Variants in TNRC6B observed in about 807,000 individuals in gnomAD.
TNRC6B encodes the protein trinucleotide repeat-containing gene 6B protein.
TNRC6B carries 52 observed loss-of-function variants against 203.6 expected under a neutral mutation model. The observed-to-expected ratio is 0.26, with a 90% confidence interval of 0.20 to 0.32. The LOEUF is 0.32. Among genes scored for constraint, TNRC6B ranks in the 10% least tolerant of loss-of-function variants. The pLI is 1.00. For missense variants in TNRC6B, 1,923 were observed against 2,286.2 expected (o/e 0.84, Z 3.24); for synonymous variants, 838 against 845.7 (o/e 0.99, Z 0.16).
chr22:40,073,907 A>G (rs147104321), intron 1 of TNRC6B, among the ~76,000 whole-genome samples: 1 of 152,052 alleles, frequency 6.6e-6, no homozygotes, highest in Non-Finnish European at 1.5e-5. Flanking sequence ...AAAACAAAAA[A>G]CAATACAAAA....
chr22:40,132,499 G>A (rs955692235), intron 3 of TNRC6B, among the ~76,000 whole-genome samples: 3 of 149,372 alleles, frequency 2.0e-5, no homozygotes, highest in Admixed American at 2.0e-4. Context: ...CGAGGCGAGG[G>A]CGAGGGCGAG....
At chr22:40,096,521 A>G (rs914184984) in intron 1 of TNRC6B, among the ~76,000 whole-genome samples, 7 of 152,130 alleles carry the variant, frequency 4.6e-5, no homozygotes, top group African/African-American at 1.7e-4. Flanking sequence ...GAATGGTAGG[A>G]CTTCATCAAG....
rs1223540880 is a variant in TNRC6B, at chr22:40,265,675, G to T, written c.1445G>T (p.Gly482Val). 6.2e-7 allele frequency: 1 copy of T among 1,613,824 alleles called. No individual in the cohort carries two copies. Among genetic ancestry groups the T allele is most frequent in the Non-Finnish European group, 8.5e-7 (1 of 1,179,874 alleles). ...SWDNNNRSTG[G>V]SWNFGPQDSN... The stretch of plus-strand genomic sequence containing the variant: ...GACAACAATAACAGGTCTACGGGTG[G>T]GTCCTGGAACTTTGGCCCCCAGGAC... The change falls in exon 5 of 23, where the codon GGG becomes GTG. Residue 482 changes from glycine (G) to valine (V), a missense_variant. Around this residue, in one of 8 missense-constraint regions of TNRC6B, gnomAD observed 614 missense variants for 587.7 expected, o/e 1.04. Transcript: ENST00000454349.
chr22:40,256,526 G>A (rs985607314), intron 3 of TNRC6B, among the ~76,000 whole-genome samples: 1 of 152,062 alleles, frequency 6.6e-6, no homozygotes, highest in Non-Finnish European at 1.5e-5. Context: ...GAAAAAATGG[G>A]GACAATATTT....
chr22:40,287,421 G>A (rs550045648), intron 12 of TNRC6B, among the ~76,000 whole-genome samples: 28 of 152,272 alleles, frequency 1.8e-4, no homozygotes, highest in Non-Finnish European at 3.2e-4. Context: ...ATCTTTCTTA[G>A]TGGGGGAGGT....
intron 2 of TNRC6B, among the ~76,000 whole-genome samples, chr22:40,122,436 C>T (rs993169992): frequency 1.3e-5 from 2 of 151,934 alleles, no homozygotes; most frequent in African/African-American, 2.4e-5. Context: ...TTCATAATAA[C>T]ACAGACTGAC....
rs760990485 is a variant in TNRC6B at position 40,321,142 on chromosome 22, C to T, written c.5027C>T (p.Thr1676Ile). 7 of 1,614,016 alleles carry T rather than the reference C, an allele frequency of 4.3e-6. No homozygotes were observed. Among genetic ancestry groups the T allele is most frequent in the Non-Finnish European group, 5.9e-6 (7 of 1,179,882 alleles). ...TICMQHGPLL[T>I]FHLNLTQGTA... Reference sequence around the variant, plus strand: ...TGCATGCAGCATGGCCCACTGCTGACATTCCATCTGAATCTAACCCAGGGC... The same window carrying T: ...TGCATGCAGCATGGCCCACTGCTGATATTCCATCTGAATCTAACCCAGGGC... The change falls in exon 22 of 23, where the codon ACA (threonine) becomes ATA (isoleucine). Residue 1676 changes from threonine to isoleucine, a missense_variant. By Grantham distance (89) the Thr-to-Ile change is moderately conservative. Around this residue, in one of 8 missense-constraint regions of TNRC6B, gnomAD observed 34 missense variants for 98.5 expected, o/e 0.35. Coordinates refer to ENST00000454349, the MANE Select transcript of TNRC6B (RefSeq NM_001162501.2).
chr22:40,069,593 T>C (rs1025237678), intron 1 of TNRC6B, among the ~76,000 whole-genome samples: 1 of 151,690 alleles, frequency 6.6e-6, no homozygotes, highest in African/African-American at 2.4e-5. Flanking sequence ...GTTCAGGCGA[T>C]TCTCCTGCCT....
chr22:40,152,036 AC>A (rs2068762346), intron 3 of TNRC6B, among the ~76,000 whole-genome samples: 1 of 152,192 alleles, frequency 6.6e-6, no homozygotes, highest in African/African-American at 2.4e-5. Context: ...ATAAGTACTT[AC>A]CTAGCACCAG....
At chr22:40,267,790 G>A (rs2070501122) in intron 5 of TNRC6B, among the ~76,000 whole-genome samples, 1 of 152,074 alleles carries the variant, frequency 6.6e-6, no homozygotes, top group Non-Finnish European at 1.5e-5. Context: ...GATCGCCTAA[G>A]CCCTGGAGAT....
exon 4 of TNRC6B, chr22:40,156,161 C>A: frequency 6.3e-7 from 1 of 1,578,164 alleles, no homozygotes; most frequent in South Asian, 1.2e-5. Flanking sequence ...AAGACTCCAC[C>A]TCCTGGTGAA....
chr22:40,094,452 A>G (rs1941253944), intron 1 of TNRC6B, among the ~76,000 whole-genome samples: 1 of 152,060 alleles, frequency 6.6e-6, no homozygotes, highest in Admixed American at 6.5e-5. Context: ...AGTACAGGAG[A>G]AAATACTGTA....
intron 1 of TNRC6B, among the ~76,000 whole-genome samples, chr22:40,056,273 G>T (rs2146266958): frequency 6.6e-6 from 1 of 152,322 alleles, no homozygotes; most frequent in Admixed American, 6.5e-5. Flanking sequence ...AAGTGATTAT[G>T]CTCTGGTAGT....
intron 1 of TNRC6B, among the ~76,000 whole-genome samples, chr22:40,226,944 C>CT (rs1385661062): frequency 4.6e-5 from 7 of 151,932 alleles, no homozygotes; most frequent in African/African-American, 1.7e-4. Context: ...GAGTCTTACT[C>CT]TATCACCTAG....
chr22:40,224,616 A>G (rs113078839), intron 1 of TNRC6B, among the ~76,000 whole-genome samples: 215 of 152,274 alleles, frequency 1.4e-3, no homozygotes, highest in African/African-American at 4.9e-3. Flanking sequence ...CTGAGTTTGT[A>G]TCATAGTTAG....
intron 1 of TNRC6B, among the ~76,000 whole-genome samples, chr22:40,236,594 A>C (rs1375128310): frequency 6.6e-6 from 1 of 152,190 alleles, no homozygotes; most frequent in African/African-American, 2.4e-5. Flanking sequence ...ACAGGGTGTC[A>C]GGGATAGGTT....
rs2068281071 is a variant in TNRC6B at position 40,106,184 on chromosome 22, A to G, written c.-120-10871A>G. 1.8e-5 allele frequency: 5 copies of G among 277,984 alleles called. No homozygotes were observed. The South Asian group carries it at 2.6e-4, about 14-fold the overall frequency. The allele number at this position is 277,984 out of a possible 1,614,324, so 17.2% of individuals were successfully genotyped here. Reference sequence around the variant, plus strand: ...GTTAGAACTCTTTATTATTTTGAATATGGGCCTTTTATTGGTTTTATGTTG... The same window carrying G: ...GTTAGAACTCTTTATTATTTTGAATGTGGGCCTTTTATTGGTTTTATGTTG... On this transcript the variant is annotated intron_variant, in intron 1 of 23. Transcript: ENST00000301923.
chr22:40,118,271 C>T (rs896999829), intron 2 of TNRC6B, among the ~76,000 whole-genome samples: 8 of 152,146 alleles, frequency 5.3e-5, no homozygotes, highest in African/African-American at 1.9e-4. Context: ...GTTTTTGAAC[C>T]TCCAGTTCAG....
intron 5 of TNRC6B, among the ~76,000 whole-genome samples, 197 bp from the exon 6 acceptor site, chr22:40,269,925 T>G (rs1208827576): frequency 6.6e-6 from 1 of 150,686 alleles, no homozygotes; most frequent in Admixed American, 6.6e-5. Flanking sequence ...GGCAGTTGAG[T>G]TACTGGGTGA....
Sources: gnomAD v4.1 joint callset for allele counts (sites outside exome capture counted in the v4.1 genomes callset) on GRCh38, gnomAD v4.1.1 for gene constraint, gnomAD v4.1.1 regional missense constraint, MANE v1.5 for transcripts, NCBI Gene and HGNC (gene_info 2026-07-23, HGNC 2026-07-21) for gene names.